BCAT1: variants seen among roughly 807,000 people sequenced by gnomAD.
The protein encoded by BCAT1 is branched-chain-amino-acid aminotransferase, cytosolic.
A neutral mutation model predicts 52.4 loss-of-function variants in BCAT1; 48 were observed. That is an observed-to-expected ratio of 0.92 (90% CI 0.73 to 1.16). BCAT1 has a LOEUF of 1.16. BCAT1 is among the 50% of genes most tolerant of loss of function. The probability of loss-of-function intolerance (pLI) is 0.00; values close to 1 mark genes in which losing one functional copy is unlikely to be tolerated. For synonymous variants in BCAT1, 167 were observed against 161.3 expected (o/e 1.04, Z -0.27); for missense variants, 451 against 457.1 (o/e 0.99, Z 0.12).
chr12:24,931,648 C>A (rs559512765), intron 1 of BCAT1, among the ~76,000 whole-genome samples: 1 of 152,120 alleles, frequency 6.6e-6, no homozygotes, highest in Non-Finnish European at 1.5e-5. Flanking sequence ...AAAATTCTGA[C>A]GAAAAATCAT....
chr12:24,883,189 G>C (rs1942551330), intron 3 of BCAT1, among the ~76,000 whole-genome samples: 1 of 152,144 alleles, frequency 6.6e-6, no homozygotes, highest in Admixed American at 6.5e-5. Flanking sequence ...GGGAGGCTGA[G>C]CCAGGAGAAT....
At chr12:24,898,133 A>C (rs1044216561) in intron 2 of BCAT1, among the ~76,000 whole-genome samples, 2 of 152,206 alleles carry the variant, frequency 1.3e-5, no homozygotes, top group African/African-American at 4.8e-5. Context: ...AAAGGAAACA[A>C]ATTTTATAAA....
At chr12:24,943,284 G>A (rs1943874624) in intron 1 of BCAT1, among the ~76,000 whole-genome samples, 1 of 151,990 alleles carries the variant, frequency 6.6e-6, no homozygotes, top group African/African-American at 2.4e-5. Context: ...CTGGAGCCCA[G>A]GAGTTCAAGA....
At chr12:24,818,822 TAG>T (rs1289711305) in intron 10 of BCAT1, among the ~76,000 whole-genome samples, 1 of 152,144 alleles carries the variant, frequency 6.6e-6, no homozygotes, top group Non-Finnish European at 1.5e-5. Context: ...TTAAATGAAA[TAG>T]AGATATTCCA....
At chr12:24,866,306 C>CGCCGG (rs1942006459) in intron 5 of BCAT1, among the ~76,000 whole-genome samples, 4 of 152,072 alleles carry the variant, frequency 2.6e-5, no homozygotes, top group African/African-American at 9.7e-5. Flanking sequence ...CCAGATTTCT[C>CGCCGG]GCCAGGCCTT....
At chr12:24,948,077 A>C (rs1324542392) in intron 1 of BCAT1, among the ~76,000 whole-genome samples, 1 of 152,228 alleles carries the variant, frequency 6.6e-6, no homozygotes, top group African/African-American at 2.4e-5. Context: ...GAAACTCTGA[A>C]ACGAGGCTTT....
chr12:24,837,044 A>AAAGAAAGAAAG (rs1420300880), intron 7 of BCAT1, among the ~76,000 whole-genome samples: 1 of 96,504 alleles, frequency 1.0e-5, no homozygotes, highest in Non-Finnish European at 2.4e-5. Context: ...AAGAAAAAAG[A>AAAGAAAGAAAG]AAAGAAAAGA....
At chr12:24,934,010 G>A (rs1184433708) in intron 1 of BCAT1, among the ~76,000 whole-genome samples, 1 of 152,100 alleles carries the variant, frequency 6.6e-6, no homozygotes, top group African/African-American at 2.4e-5. Flanking sequence ...ACACTTGGCT[G>A]GCAGAGAAGG....
chr12:24,848,016 C>A (rs1398266049), intron 6 of BCAT1, among the ~76,000 whole-genome samples: 1 of 152,092 alleles, frequency 6.6e-6, no homozygotes, highest in Non-Finnish European at 1.5e-5. Flanking sequence ...AGGAGACGGC[C>A]CTAGAACTTT....
At chr12:24,832,079 G>A (rs1237641495) in intron 9 of BCAT1, among the ~76,000 whole-genome samples, 2 of 152,198 alleles carry the variant, frequency 1.3e-5, no homozygotes, top group Non-Finnish European at 2.9e-5. Context: ...CCACTCGAAT[G>A]CATTTTCCAT....
chr12:24,848,379 G>A (rs1182657476), intron 6 of BCAT1, among the ~76,000 whole-genome samples: 5 of 152,122 alleles, frequency 3.3e-5, no homozygotes, highest in Non-Finnish European at 7.3e-5. Context: ...ACTCTGTGTG[G>A]TACTGAAAAC....
intron 5 of BCAT1, among the ~76,000 whole-genome samples, chr12:24,852,581 G>C (rs551787315): frequency 6.6e-6 from 1 of 152,116 alleles, no homozygotes; most frequent in East Asian, 1.9e-4. Flanking sequence ...TCCTGATTTT[G>C]ACAGGTAAAT....
In BCAT1 at chr12:24,901,812, A is replaced by C; in HGVS notation, c.78+2T>G. 6.2e-7 allele frequency: 1 copy of C among 1,613,020 alleles called. No individual in the cohort carries two copies. Among genetic ancestry groups the C allele is most frequent in the Non-Finnish European group, 8.5e-7 (1 of 1,179,154 alleles). On this transcript the variant is annotated splice_donor_variant, in intron 2 of 10. Transcript: ENST00000261192. LOFTEE classifies it high-confidence loss of function. ...ACACTAAGCCTCTGGCAAGCAACTT[A>C]CCTTAAAAGTCCCCACCACCTCTTT...
intron 5 of BCAT1, among the ~76,000 whole-genome samples, chr12:24,864,219 C>T (rs1376188923): frequency 6.6e-6 from 1 of 152,120 alleles, no homozygotes; most frequent in Non-Finnish European, 1.5e-5. Context: ...CCAGGAATGA[C>T]CTCAAAACCA....
chr12:24,834,507 A>G (rs1216557775), intron 8 of BCAT1: 2 of 976,166 alleles, frequency 2.0e-6, no homozygotes, highest in African/African-American at 1.8e-5. Flanking sequence ...ATTTGAATAA[A>G]GGGCAATAAA....
chr12:24,907,589 T>A (rs1943245872), intron 1 of BCAT1, among the ~76,000 whole-genome samples: 1 of 152,196 alleles, frequency 6.6e-6, no homozygotes, highest in Non-Finnish European at 1.5e-5. Context: ...CAATACACCC[T>A]CCCTGCCCTT....
intron 1 of BCAT1, among the ~76,000 whole-genome samples, chr12:24,910,543 A>G (rs138454870): frequency 4.6e-5 from 7 of 152,306 alleles, no homozygotes; most frequent in African/African-American, 1.4e-4. Flanking sequence ...ATAATAATAA[A>G]TCATGCCCAA....
In BCAT1 at chr12:24,936,742, TAC is replaced by T. The variant is rs1313645769; in HGVS notation, c.6+12183_6+12184del. On this transcript the variant is annotated intron_variant, in intron 1 of 10. Coordinates refer to ENST00000261192, the MANE Select transcript of BCAT1 (RefSeq NM_005504.7). ...TCTCTCTCACACACACACACACACA[TAC>T]ACACACACATACACACACACCCCTT... 6.5e-3 allele frequency among the ~76,000 whole-genome samples: 441 copies of T among 67,964 alleles called. 2 individuals are homozygous for T. The highest frequency in any genetic ancestry group is 0.018 in the Middle Eastern group (1 of 56). The allele number at this position is 67,964 out of a possible 152,430, so 44.6% of individuals were successfully genotyped here.
intron 7 of BCAT1, among the ~76,000 whole-genome samples, chr12:24,841,669 A>G (rs1941177293): frequency 6.6e-6 from 1 of 152,114 alleles, no homozygotes; most frequent in Admixed American, 6.5e-5. Context: ...TTGGGAGGCC[A>G]AGGCCGGTGG....
Sources: allele counts gnomAD v4.1 joint callset (sites outside exome capture counted in the v4.1 genomes callset), GRCh38; gene constraint gnomAD v4.1.1; transcripts MANE v1.5; gene names NCBI Gene and HGNC (gene_info 2026-07-23, HGNC 2026-07-21).